Variants in TTC23L observed in about 807,000 individuals in gnomAD.
TTC23L encodes the protein tetratricopeptide repeat protein 23-like.
A neutral mutation model predicts 48.1 loss-of-function variants in TTC23L; 42 were observed. That is an observed-to-expected ratio of 0.87 (90% CI 0.68 to 1.13). The LOEUF (loss-of-function observed/expected upper bound fraction) is 1.13. TTC23L is among the 50% of genes most tolerant of loss of function. The pLI, the probability that TTC23L is intolerant of heterozygous loss-of-function variation, is 0.00. For synonymous variants in TTC23L, 159 were observed against 157.2 expected (o/e 1.01, Z -0.09); for missense variants, 391 against 421.0 (o/e 0.93, Z 0.62).
At chr5:34,906,566 G>A in the TTC23L span, 2 of 152,134 alleles carry the variant, frequency 1.3e-5, no homozygotes, top group Admixed American at 1.3e-4. Context: ...TTGAGCCTAG[G>A]AGATTGAGGC....
the TTC23L span, chr5:34,920,789 A>T: frequency 6.6e-6 from 1 of 151,952 alleles, no homozygotes; most frequent in African/African-American, 2.4e-5. Context: ...CAAACTTCCT[A>T]TTTTTGTGTT....
At chr5:34,923,938 T>TA in the TTC23L span, among the ~76,000 whole-genome samples, 24,064 of 152,146 alleles carry the variant, frequency 0.16, 2,167 homozygotes, top group Middle Eastern at 0.22. Context: ...AGAAAGGGAA[T>TA]AACTTGAAGA....
chr5:34,914,968 G>A, the TTC23L span: 4 of 1,509,378 alleles, frequency 2.7e-6, no homozygotes, highest in South Asian at 3.4e-5. Context: ...ACACCTGAAG[G>A]GATTAGACAG....
chr5:34,853,998 A>G (rs1371088964), intron 4 of TTC23L, among the ~76,000 whole-genome samples: 1 of 152,196 alleles, frequency 6.6e-6, no homozygotes, highest in Non-Finnish European at 1.5e-5. Context: ...GTAGGTCTAG[A>G]AGGAGGTTGG....
rs370565796 is a variant in TTC23L, at chr5:34,881,743, T to C, written c.1077+1435T>C. Among the ~76,000 whole-genome samples, 89 of 152,096 alleles carry C rather than the reference T, an allele frequency of 5.9e-4. 2 individuals are homozygous for C. The South Asian group carries it at 0.018, about 31-fold the overall frequency. ...TGCAACCTTTTTTCTGTGGCCATGA[T>C]ATTTTCTGTTGGTTTAGAAGACTGT... is the stretch of plus-strand genomic sequence containing the variant. On this transcript the variant is annotated intron_variant, in intron 9 of 10. Coordinates refer to ENST00000505624, the Ensembl canonical transcript of TTC23L.
intron 9 of TTC23L, among the ~76,000 whole-genome samples, chr5:34,891,103 A>G (rs1403931053): frequency 1.3e-5 from 2 of 152,354 alleles, no homozygotes; most frequent in Admixed American, 6.5e-5. Flanking sequence ...TAAATGCCCA[A>G]TGAATGTTGA....
At chr5:34,861,960 A>G (rs1397255317) in intron 4 of TTC23L, among the ~76,000 whole-genome samples, 1 of 152,120 alleles carries the variant, frequency 6.6e-6, no homozygotes, top group Non-Finnish European at 1.5e-5. Context: ...GGGACAAATG[A>G]GATGTGGCTG....
chr5:34,913,677 T>C, the TTC23L span: 3 of 686,518 alleles, frequency 4.4e-6, no homozygotes, highest in East Asian at 2.7e-5. Context: ...AATACAATAC[T>C]GTGCTAATCC....
chr5:34,870,621 C>T (rs1208642819), intron 8 of TTC23L, among the ~76,000 whole-genome samples: 1 of 152,030 alleles, frequency 6.6e-6, no homozygotes, highest in African/African-American at 2.4e-5. Flanking sequence ...ACCCTGATAT[C>T]AAAACTGGGC....
chr5:34,904,803 T>C, the TTC23L span, among the ~76,000 whole-genome samples: 1 of 152,088 alleles, frequency 6.6e-6, no homozygotes, highest in Admixed American at 6.6e-5. Flanking sequence ...TGGAATCAAG[T>C]GTCAGGCACC....
At chr5:34,915,165 G>A in the TTC23L span, among the ~76,000 whole-genome samples, 179 of 152,326 alleles carry the variant, frequency 1.2e-3, no homozygotes, top group African/African-American at 4.2e-3. Context: ...ACAATAACGT[G>A]AAAAGTTGTG....
intron 4 of TTC23L, among the ~76,000 whole-genome samples, chr5:34,853,606 A>C (rs1292578332): frequency 6.6e-6 from 1 of 152,148 alleles, no homozygotes; most frequent in Non-Finnish European, 1.5e-5. Context: ...GGTAGGGTAA[A>C]GGGGGGCCAG....
At chr5:34,867,051 C>T (rs1224820529) in exon 7 of TTC23L, 1 of 1,611,122 alleles carries the variant, frequency 6.2e-7, no homozygotes, top group South Asian at 1.1e-5. Context: ...ACAACCAGGC[C>T]ATCCAGTACT....
intron 9 of TTC23L, among the ~76,000 whole-genome samples, chr5:34,885,724 G>A (rs1762500825): frequency 6.9e-6 from 1 of 145,316 alleles, no homozygotes; most frequent in Admixed American, 7.2e-5. Context: ...GCCAGCCTGA[G>A]CAACAGAGTG....
chr5:34,860,950 C>T, intron 4 of TTC23L: 1 of 159,822 alleles, frequency 6.3e-6, no homozygotes, highest in Non-Finnish European at 1.4e-5. Context: ...TTAGCCTTTT[C>T]CCACTGCACC....
chr5:34,906,190 C>T, the TTC23L span: 1 of 152,082 alleles, frequency 6.6e-6, no homozygotes, highest in Non-Finnish European at 1.5e-5. Flanking sequence ...TTCCTGACCT[C>T]AGATGATCCC....
intron 8 of TTC23L, among the ~76,000 whole-genome samples, chr5:34,876,255 AT>A (rs1417281577): frequency 6.6e-6 from 1 of 152,154 alleles, no homozygotes; most frequent in East Asian, 1.9e-4. Flanking sequence ...GAAGAAAAAA[AT>A]AATAAAAATT....
intron 10 of TTC23L, among the ~76,000 whole-genome samples, chr5:34,899,142 G>C (rs1037053561): frequency 3.3e-5 from 5 of 152,270 alleles, no homozygotes; most frequent in African/African-American, 9.6e-5. Context: ...ATCAAGGGAA[G>C]AGCTCCCTGC....
intron 3 of TTC23L, among the ~76,000 whole-genome samples, chr5:34,846,600 T>TATATATATATATATATATATATATAC (rs61009546): frequency 1.1e-5 from 1 of 92,900 alleles, no homozygotes; most frequent in African/African-American, 5.2e-5. Context: ...TATATATATA[T>TATATATATATATATATATATATATAC]ACACACACAT....
Sources: allele counts gnomAD v4.1 joint callset (sites outside exome capture counted in the v4.1 genomes callset), GRCh38; gene constraint gnomAD v4.1.1; transcripts MANE v1.5; gene names NCBI Gene and HGNC (gene_info 2026-07-23, HGNC 2026-07-21).